Variants in RUBCN observed in about 807,000 individuals in gnomAD.
RUBCN encodes run domain Beclin-1-interacting and cysteine-rich domain-containing protein.
A neutral mutation model predicts 113.2 loss-of-function variants in RUBCN; 74 were observed. The observed-to-expected ratio is 0.65, with a 90% confidence interval of 0.54 to 0.79. The LOEUF is 0.79. Ranked by LOEUF, RUBCN falls within the 30% of genes least tolerant of loss-of-function variation. RUBCN has a pLI of 0.00. For synonymous variants in RUBCN, 480 were observed against 490.0 expected, an observed-to-expected ratio of 0.98 and a Z score of 0.27; for missense variants, 1,109 against 1,251.7, an observed-to-expected ratio of 0.89 and a Z score of 1.72.
intron 16 of RUBCN, 73 bp from the exon 17 acceptor site, chr3:197,677,614 G>A: frequency 2.1e-6 from 3 of 1,396,914 alleles, no homozygotes; most frequent in Non-Finnish European, 3.0e-6. Flanking sequence ...GAAGCCCAGG[G>A]CCTTTAAACC....
At chr3:197,735,200 C>T (rs2109012069) in intron 1 of RUBCN, among the ~76,000 whole-genome samples, 1 of 152,268 alleles carries the variant, frequency 6.6e-6, no homozygotes, top group African/African-American at 2.4e-5. Context: ...AGTTAGAGAC[C>T]AGCCTGGGCA....
intron 11 of RUBCN, among the ~76,000 whole-genome samples, chr3:197,689,890 G>C (rs1234187114): frequency 1.3e-5 from 2 of 152,090 alleles, no homozygotes; most frequent in African/African-American, 4.8e-5. Flanking sequence ...CTGTGCTACT[G>C]AACACTAGAA....
rs745350623 is a variant in RUBCN at position 197,683,472 on chromosome 3, C to T, written c.1848-33G>A. ...GGGGAGAATCAAGGACGGCTGAACA[C>T]AGGGAAAGGATGGGCGATGCGAGGC... On this transcript the variant is annotated intron_variant, in intron 12 of 19. Coordinates refer to ENST00000296343, the MANE Select transcript of RUBCN (RefSeq NM_014687.4). The surrounding 1 kb of genome is among the most constrained non-coding windows in gnomAD (Gnocchi z 4.6). 1.9e-6 allele frequency: 3 copies of T among 1,612,864 alleles called. No individual in the cohort carries two copies. Among genetic ancestry groups the T allele is most frequent in the South Asian group, 2.2e-5 (2 of 91,000 alleles).
chr3:197,718,021 T>C lies in RUBCN; in HGVS notation c.175A>G (p.Arg59Gly). The change falls in exon 2 of 20, where the codon AGG becomes GGG. Residue 59 changes from arginine (R) to glycine (G), a missense_variant. Transcript: ENST00000296343. ...SKYGGLERLC[R>G]DMQSILYHGL... ...TGATAGAGGATGCTCTGCATGTCCC[T>C]GCAAAGCCGCTCCAAGCCACCATAC... is the stretch of plus-strand genomic sequence containing the variant. The C allele has an allele frequency of 1.2e-6, 2 of 1,614,148 alleles. No homozygotes were observed. The highest frequency in any genetic ancestry group is 1.3e-5 in the African/African-American group (1 of 75,052).
rs534714724 is a variant in RUBCN, at chr3:197,683,211, C to G, written c.1980+96G>C. On this transcript the variant is annotated intron_variant, in intron 13 of 19. Transcript: ENST00000296343. The surrounding 1 kb of genome is among the most constrained non-coding windows in gnomAD (Gnocchi z 4.6). Reference sequence around the variant, plus strand: ...GCTTCCACGAGTAAGGGGGGAACACCCAGGCTCATTCCAGACTAGGGACAT... The same window carrying G: ...GCTTCCACGAGTAAGGGGGGAACACGCAGGCTCATTCCAGACTAGGGACAT... The G allele has an allele frequency of 1.9e-5, 28 of 1,482,918 alleles. No homozygotes were observed. The highest frequency in any genetic ancestry group is 8.4e-5 in the Admixed American group (5 of 59,814). 91.9% of individuals were successfully genotyped at this position (1,482,918 alleles called of 1,614,324 possible).
intron 7 of RUBCN, among the ~76,000 whole-genome samples, chr3:197,697,824 A>T (rs1300897524): frequency 2.6e-5 from 4 of 152,222 alleles, no homozygotes. Flanking sequence ...GCTGTGGGAG[A>T]GTGAATGACT....
chr3:197,738,025 A>G (rs544831307), upstream of RUBCN, among the ~76,000 whole-genome samples: 11 of 152,290 alleles, frequency 7.2e-5, no homozygotes, highest in East Asian at 2.1e-3. Context: ...AATAGCTGGG[A>G]CTACAGGTGC....
intron 16 of RUBCN, among the ~76,000 whole-genome samples, chr3:197,677,969 A>T (rs1293286545): frequency 7.1e-6 from 1 of 140,632 alleles, no homozygotes; most frequent in Non-Finnish European, 1.6e-5. Context: ...ACCTGGCTTC[A>T]GACTGTCCCA....
At chr3:197,701,926 G>T in intron 5 of RUBCN, 62 bp from the exon 6 acceptor site, 7 of 1,487,670 alleles carry the variant, frequency 4.7e-6, no homozygotes, top group East Asian at 2.3e-5. Flanking sequence ...CTCAGAGTGG[G>T]GGCAACGCAG....
At position 197,683,393 on chromosome 3, in the gene RUBCN, C is replaced by T; in HGVS notation, c.1894G>A (p.Gly632Arg). 1 of 1,614,176 alleles carries T rather than the reference C, an allele frequency of 6.2e-7. No individual in the cohort carries two copies. The highest frequency in any genetic ancestry group is 8.5e-7 in the Non-Finnish European group (1 of 1,180,028). ...ATCCCCTCAAACTGCTTCAGGAGCC[C>T]CATGGCCACCGCCTCAGCAGACGTG... ...HSTSAEAVAMGLLKQFEGMQL... is the reference protein window; with the variant it reads ...HSTSAEAVAMRLLKQFEGMQL... The change falls in exon 13 of 20, where the codon GGG (glycine) becomes AGG (arginine). Residue 632 changes from glycine to arginine, a missense_variant. Physicochemically the swap from Gly to Arg is moderately radical, Grantham distance 125. This residue lies in a region of RUBCN where 67 missense variants were observed against 123.2 expected (regional missense o/e 0.54). Transcript: ENST00000296343. The surrounding 1 kb of genome is among the most constrained non-coding windows in gnomAD (Gnocchi z 4.6).
intron 1 of RUBCN, among the ~76,000 whole-genome samples, chr3:197,736,055 AGGGATTC>A (rs1483251349): frequency 2.6e-5 from 4 of 152,218 alleles, no homozygotes; most frequent in Non-Finnish European, 4.4e-5. Context: ...ACTCTCTGAC[AGGGATTC>A]GGCAATGACA....
chr3:197,680,524 G>A (rs1207805308), intron 16 of RUBCN, among the ~76,000 whole-genome samples: 2 of 151,230 alleles, frequency 1.3e-5, no homozygotes, highest in Non-Finnish European at 2.9e-5. Context: ...ACTGTCCTAC[G>A]CTCTAACTGA....
intron 7 of RUBCN, among the ~76,000 whole-genome samples, chr3:197,698,490 T>C (rs1723252828): frequency 6.7e-6 from 1 of 150,280 alleles, no homozygotes; most frequent in Non-Finnish European, 1.5e-5. Context: ...TCCTATGCAA[T>C]AGCTGGAATG....
intron 2 of RUBCN, among the ~76,000 whole-genome samples, chr3:197,708,704 G>C (rs775733229): frequency 2.6e-5 from 4 of 152,068 alleles, no homozygotes; most frequent in Non-Finnish European, 5.9e-5. Flanking sequence ...CAATTGAGTT[G>C]TGGCTTACCA....
intron 1 of RUBCN, among the ~76,000 whole-genome samples, chr3:197,727,944 T>C (rs943526800): frequency 6.6e-6 from 1 of 152,254 alleles, no homozygotes; most frequent in Non-Finnish European, 1.5e-5. Context: ...GTCTTTTCAG[T>C]TTCAGGTAGA....
chr3:197,709,185 A>T (rs1331781654), intron 2 of RUBCN, among the ~76,000 whole-genome samples: 3 of 152,188 alleles, frequency 2.0e-5, no homozygotes, highest in African/African-American at 7.2e-5. Flanking sequence ...TCACTTCGTC[A>T]ATCAGTTAAT....
chr3:197,682,269 C>T (rs1366816585), intron 14 of RUBCN, among the ~76,000 whole-genome samples: 1 of 152,156 alleles, frequency 6.6e-6, no homozygotes, highest in Admixed American at 6.5e-5. Context: ...CAAAACAAAA[C>T]CCGCCTCGTT....
At chr3:197,739,641 G>A (rs1372878607), upstream of RUBCN, among the ~76,000 whole-genome samples, 2 of 152,174 alleles carry the variant, frequency 1.3e-5, no homozygotes, top group Non-Finnish European at 2.9e-5. Flanking sequence ...GGAGCTTGCA[G>A]TGAGCAGAGA....
Position 197,705,114 on chromosome 3 carries a change from T to G in RUBCN, c.281A>C (p.His94Pro). 1 of 1,614,060 alleles carries G rather than the reference T, an allele frequency of 6.2e-7. No individual in the cohort carries two copies. Among genetic ancestry groups the G allele is most frequent in the Non-Finnish European group, 8.5e-7 (1 of 1,179,974 alleles). The change falls in exon 3 of 20, where the codon CAC becomes CCC. Residue 94 changes from histidine (H) to proline (P), a missense_variant. Coordinates refer to ENST00000296343, the MANE Select transcript of RUBCN (RefSeq NM_014687.4). The stretch of plus-strand genomic sequence containing the variant: ...TACCTTCTCCACGTGAAGGGCTGAG[T>G]GGGGACTGAGCCACCGGATGTCTTT... ...FVKDIRWLSPHSALHVEKFIS... is the reference protein window; with the variant it reads ...FVKDIRWLSPPSALHVEKFIS...
Sources: gnomAD v4.1 joint callset for allele counts (sites outside exome capture counted in the v4.1 genomes callset) on GRCh38, gnomAD v4.1.1 for gene constraint, gnomAD v4.1.1 regional missense constraint, Gnocchi (gnomAD v3.1) non-coding constraint, MANE v1.5 for transcripts, NCBI Gene and HGNC (gene_info 2026-07-23, HGNC 2026-07-21) for gene names.